PKNOX1: variants seen among roughly 807,000 people sequenced by gnomAD.
The protein encoded by PKNOX1 is homeobox protein PKNOX1.
A neutral mutation model predicts 51.9 loss-of-function variants in PKNOX1; 15 were observed. The ratio of observed to expected loss-of-function variants is 0.29; its 90% confidence interval spans 0.19 to 0.45. The LOEUF (loss-of-function observed/expected upper bound fraction) is 0.45, where lower values mean the gene tolerates loss of function less well. Among genes scored for constraint, PKNOX1 ranks in the 20% least tolerant of loss-of-function variants. The pLI is 1.00. For synonymous variants in PKNOX1, 219 were observed against 211.1 expected, an observed-to-expected ratio of 1.04 and a Z score of -0.32; for missense variants, 462 against 547.5, an observed-to-expected ratio of 0.84 and a Z score of 1.56.
chr21:42,992,922 C>T (rs992623361), intron 1 of PKNOX1, among the ~76,000 whole-genome samples: 42 of 145,544 alleles, frequency 2.9e-4, no homozygotes, highest in Non-Finnish European at 4.5e-5. Flanking sequence ...GGGGCTTCCT[C>T]AGCACTGGGG....
At chr21:43,023,545 T>C (rs1979854520) in intron 8 of PKNOX1, among the ~76,000 whole-genome samples, 1 of 152,160 alleles carries the variant, frequency 6.6e-6, no homozygotes, top group Non-Finnish European at 1.5e-5. Flanking sequence ...TAGACAGTCA[T>C]CAACCTTGGA....
chr21:43,003,778 G>A (rs1188811065), intron 1 of PKNOX1: 2 of 152,578 alleles, frequency 1.3e-5, no homozygotes, highest in Non-Finnish European at 1.5e-5. Flanking sequence ...TATTAGCTGG[G>A]CAATGAATGA....
chr21:43,016,968 G>A lies in PKNOX1; in HGVS notation c.583G>A (p.Ala195Thr), dbSNP rs374463906. The change falls in exon 6 of 11, where the codon GCG becomes ACG. Residue 195 changes from alanine to threonine, a missense_variant. Physicochemically the swap from Ala to Thr is moderately conservative, Grantham distance 58. This residue lies in a region of PKNOX1 where 126 missense variants were observed against 128.1 expected (regional missense o/e 0.98). Transcript: ENST00000291547. ...SPQGIVVPASALQQGNVAMAT... is the reference protein window; with the variant it reads ...SPQGIVVPASTLQQGNVAMAT... ...TCAGGGAATTGTGGTGCCGGCGTCC[G>A]CGCTGCAGCAGGGAAACGTAGCCAT... The A allele has an allele frequency of 1.9e-5, 30 of 1,612,950 alleles. No individual in the cohort carries two copies. Among genetic ancestry groups the A allele is most frequent in the African/African-American group, 8.0e-5 (6 of 74,926 alleles).
At chr21:43,010,250 G>A (rs747310867) in intron 4 of PKNOX1, 26 bp downstream of exon 4, 2 of 1,321,522 alleles carry the variant, frequency 1.5e-6, no homozygotes, top group Non-Finnish European at 2.1e-6. Flanking sequence ...TTTATTTTTA[G>A]TTTTCAAAAT....
intron 1 of PKNOX1, among the ~76,000 whole-genome samples, chr21:43,000,357 A>G (rs1216117363): frequency 2.0e-5 from 3 of 152,352 alleles, no homozygotes; most frequent in African/African-American, 2.4e-5. Context: ...ACAGTTCCAC[A>G]TGGCTGGGGA....
intron 1 of PKNOX1, among the ~76,000 whole-genome samples, chr21:42,977,060 A>G (rs538471148): frequency 6.6e-6 from 1 of 152,218 alleles, no homozygotes; most frequent in Non-Finnish European, 1.5e-5. Context: ...GACTAGGTAC[A>G]TTGTCAGTGA....
chr21:42,978,368 C>T (rs181032484), intron 1 of PKNOX1, among the ~76,000 whole-genome samples: 131 of 151,768 alleles, frequency 8.6e-4, no homozygotes, highest in Middle Eastern at 3.4e-3. Flanking sequence ...TTCCTTTGTT[C>T]TGAGAGGTGA....
rs1038366465 is a variant in PKNOX1, at chr21:43,030,663, A to G, written c.*562A>G. On this transcript the variant is annotated 3_prime_UTR_variant, in exon 11 of 11. Transcript: ENST00000291547. ...TTTCATTTGCTATATAGAAAAAGAAACTCCTATTTTTACCTTGCTGGAATT... is the reference window on the plus strand; with the variant it reads ...TTTCATTTGCTATATAGAAAAAGAAGCTCCTATTTTTACCTTGCTGGAATT... 6.6e-6 allele frequency: 1 copy of G among 152,328 alleles called. No homozygotes were observed. The highest frequency in any genetic ancestry group is 1.5e-5 in the Non-Finnish European group (1 of 67,996). 9.4% of individuals were successfully genotyped at this position (152,328 alleles called of 1,614,324 possible).
chr21:43,012,611 G>A (rs1004403013), intron 4 of PKNOX1, among the ~76,000 whole-genome samples: 8 of 152,130 alleles, frequency 5.3e-5, no homozygotes, highest in Non-Finnish European at 1.0e-4. Flanking sequence ...TAGAAAAATC[G>A]CAAGAGAAAA....
rs73909312 is a variant in PKNOX1 at position 43,005,278 on chromosome 21, C to T, written c.51+846C>T. On this transcript the variant is annotated intron_variant, in intron 2 of 10. Transcript: ENST00000291547. The stretch of plus-strand genomic sequence containing the variant: ...GACTTCGGTGGCAAGGATCAGGCTC[C>T]GGAAAACTCACTGGAGCCATGCTGG... Among the ~76,000 whole-genome samples, 441 of 152,214 alleles carry T rather than the reference C, an allele frequency of 2.9e-3. 1 individual carries two copies. Among genetic ancestry groups the T allele is most frequent in the African/African-American group, 0.01 (416 of 41,542 alleles).
chr21:42,998,225 G>A (rs1327641253), intron 1 of PKNOX1, among the ~76,000 whole-genome samples: 5 of 152,132 alleles, frequency 3.3e-5, no homozygotes, highest in Admixed American at 3.3e-4. Context: ...ATGTGTGCAG[G>A]GGAGCTCCTC....
intron 5 of PKNOX1, among the ~76,000 whole-genome samples, chr21:43,016,291 G>A (rs1441233762): frequency 6.6e-6 from 1 of 152,210 alleles, no homozygotes; most frequent in African/African-American, 2.4e-5. Flanking sequence ...GTCCTCCATG[G>A]GGCATGTAGA....
intron 8 of PKNOX1, among the ~76,000 whole-genome samples, chr21:43,022,142 C>T (rs900303127): frequency 2.0e-5 from 3 of 152,190 alleles, no homozygotes; most frequent in Admixed American, 6.5e-5. Flanking sequence ...TTGGCTTGGC[C>T]CTAAGTTTGC....
At chr21:43,014,233 G>A (rs1048030828) in intron 5 of PKNOX1, among the ~76,000 whole-genome samples, 3 of 152,076 alleles carry the variant, frequency 2.0e-5, no homozygotes, top group South Asian at 2.1e-4. Context: ...GTATTAGCCA[G>A]GATGGTCTCG....
chr21:42,991,723 G>T (rs1438564991), intron 1 of PKNOX1, among the ~76,000 whole-genome samples: 1 of 125,066 alleles, frequency 8.0e-6, no homozygotes, highest in Non-Finnish European at 1.7e-5. Context: ...GACAGAGCGA[G>T]ACTCCGTCTC....
chr21:42,992,348 C>T (rs2059091899), intron 1 of PKNOX1, among the ~76,000 whole-genome samples: 1 of 152,204 alleles, frequency 6.6e-6, no homozygotes, highest in Non-Finnish European at 1.5e-5. Context: ...AGTCACCCAA[C>T]CTCTGGTACA....
intron 1 of PKNOX1, among the ~76,000 whole-genome samples, chr21:42,999,240 G>A (rs1282155487): frequency 6.6e-6 from 1 of 152,222 alleles, no homozygotes; most frequent in Non-Finnish European, 1.5e-5. Context: ...GGCTGGAGCA[G>A]CTGGGATGCA....
At chr21:42,987,489 A>G (rs1403571760) in intron 1 of PKNOX1, among the ~76,000 whole-genome samples, 3 of 147,622 alleles carry the variant, frequency 2.0e-5, no homozygotes, top group Non-Finnish European at 3.0e-5. Context: ...GTCTAGTAAG[A>G]TTTTTTAAAA....
At chr21:43,020,385 T>C (rs1979700701) in intron 7 of PKNOX1, 1 of 152,392 alleles carries the variant, frequency 6.6e-6, no homozygotes, top group African/African-American at 2.4e-5. Flanking sequence ...GGAGACGCTG[T>C]GTGAGGGAGG....
Sources: gnomAD v4.1 joint callset for allele counts (sites outside exome capture counted in the v4.1 genomes callset) on GRCh38, gnomAD v4.1.1 for gene constraint, gnomAD v4.1.1 regional missense constraint, MANE v1.5 for transcripts, NCBI Gene and HGNC (gene_info 2026-07-23, HGNC 2026-07-21) for gene names.